The following DNAJC17 variants were observed in gnomAD, a reference collection of about 807,000 sequenced individuals.
The protein encoded by DNAJC17 is DnaJ heat shock protein family (Hsp40) member C17.
Under a neutral mutation model 48.1 loss-of-function variants are expected in DNAJC17, and 35 were observed. That is an observed-to-expected ratio of 0.73 (90% CI 0.56 to 0.96). The LOEUF is 0.96. DNAJC17 is among the 50% of genes least tolerant of loss of function. The pLI, the probability that DNAJC17 is intolerant of heterozygous loss-of-function variation, is 0.00. For synonymous variants in DNAJC17, 117 were observed against 142.7 expected (o/e 0.82, Z 1.28); for missense variants, 355 against 377.1 (o/e 0.94, Z 0.48).
chr15:40,775,154 C>T lies in DNAJC17; in HGVS notation c.523-46G>A, dbSNP rs775662094. 11 of 1,591,494 alleles carry T rather than the reference C, an allele frequency of 6.9e-6. No individual in the cohort carries two copies. The South Asian group carries it at 8.8e-5, about 13-fold the overall frequency. Reference sequence around the variant, plus strand: ...AACACTGATTCTTGGCTGAACAGTACCTCACCCCACGACTGAGCTTGACAG... The same window carrying T: ...AACACTGATTCTTGGCTGAACAGTATCTCACCCCACGACTGAGCTTGACAG... On this transcript the variant is annotated intron_variant, in intron 7 of 10. Transcript: ENST00000220496.
intron 1 of DNAJC17, chr15:40,792,404 A>G: frequency 1.1e-6 from 1 of 950,590 alleles, no homozygotes; most frequent in Non-Finnish European, 1.3e-6. Flanking sequence ...TGAGTCTTGA[A>G]AAACAATCAA....
At position 40,770,798 on chromosome 15, in the gene DNAJC17, C is replaced by A. The variant is rs1201504453; in HGVS notation, c.793-2736G>T. 5.2e-6 allele frequency: 8 copies of A among 1,549,526 alleles called. No individual in the cohort carries two copies. The Middle Eastern group carries it at 5.0e-4, about 97-fold the overall frequency. On this transcript the variant is annotated intron_variant, in intron 10 of 10. Transcript: ENST00000220496. The surrounding 1 kb of genome is among the most constrained non-coding windows in gnomAD (Gnocchi z 5.0). ...CCAACATCCTGGAGCCCCCACCTGC[C>A]TACACAGCAGCCTACTCTGCCACCC...
Position 40,766,156 on chromosome 15 carries a change from C to G in DNAJC17, c.*1784G>C, listed in dbSNP as rs1020019379. The G allele has an allele frequency of 5.5e-6, 2 of 361,084 alleles. No individual in the cohort carries two copies. Among genetic ancestry groups the G allele is most frequent in the African/African-American group, 4.2e-5 (2 of 47,852 alleles). 22.4% of individuals were successfully genotyped at this position (361,084 alleles called of 1,614,324 possible). On this transcript the variant is annotated 3_prime_UTR_variant, in exon 11 of 11. Coordinates refer to ENST00000220496, the MANE Select transcript of DNAJC17 (RefSeq NM_018163.3). The stretch of plus-strand genomic sequence containing the variant: ...CACATCCTTACTGGAACCGCAGAAA[C>G]AGAGTCCGTTCCCTGGGTCTAGGAC...
chr15:40,785,478 C>T (rs1889615522), intron 1 of DNAJC17, among the ~76,000 whole-genome samples: 1 of 152,134 alleles, frequency 6.6e-6, no homozygotes, highest in Admixed American at 6.5e-5. Flanking sequence ...ACTTCAACAT[C>T]AAACTGAGAA....
Position 40,795,552 on chromosome 15 carries a change from A to C in DNAJC17, c.78+11817T>G, listed in dbSNP as rs984486783. Reference sequence around the variant, plus strand: ...CTCTAAAACACTCATGGAGAAAAGGAAGGGAAATGAAAAAGAACCAGGCAG... The same window carrying C: ...CTCTAAAACACTCATGGAGAAAAGGCAGGGAAATGAAAAAGAACCAGGCAG... On this transcript the variant is annotated intron_variant, in intron 1 of 10. Transcript: ENST00000220496. Among the ~76,000 whole-genome samples, 4 of 152,252 alleles carry C rather than the reference A, an allele frequency of 2.6e-5. No individual in the cohort carries two copies. In the East Asian group the frequency reaches 7.7e-4, roughly 29 times the overall value.
chr15:40,775,803 C>T (rs578221016), intron 6 of DNAJC17, among the ~76,000 whole-genome samples: 3 of 152,254 alleles, frequency 2.0e-5, no homozygotes, highest in Admixed American at 2.0e-4. Flanking sequence ...ACCCAGCTGC[C>T]TCCTGAAGGC....
At chr15:40,780,156 A>G in intron 1 of DNAJC17, 159 bp from the exon 2 acceptor site, 2 of 741,082 alleles carry the variant, frequency 2.7e-6, no homozygotes. Flanking sequence ...GGAGGAGGCC[A>G]AGGCCATGGA....
chr15:40,775,671 A>T (rs1470551409), intron 6 of DNAJC17, 75 bp from the exon 7 acceptor site: 1 of 1,485,204 alleles, frequency 6.7e-7, no homozygotes, highest in Admixed American at 1.7e-5. Context: ...TGCAGCCCAG[A>T]GCAAGAAGGG....
At chr15:40,797,228 G>A (rs1266009767) in intron 1 of DNAJC17, among the ~76,000 whole-genome samples, 1 of 152,056 alleles carries the variant, frequency 6.6e-6, no homozygotes, top group Non-Finnish European at 1.5e-5. Context: ...AAATCAGCTG[G>A]GCATGATGGT....
intron 10 of DNAJC17, chr15:40,771,025 TG>T (rs1263966513): frequency 4.5e-6 from 7 of 1,550,026 alleles, no homozygotes; most frequent in Non-Finnish European, 6.1e-6. Flanking sequence ...AGCTTCTAAA[TG>T]GGGTGAGGGT....
intron 7 of DNAJC17, 80 bp downstream of exon 7, chr15:40,775,473 C>A: frequency 6.6e-7 from 1 of 1,513,046 alleles, no homozygotes; most frequent in South Asian, 1.1e-5. Flanking sequence ...CAGAAACCCT[C>A]GAGCCACAGG....
At position 40,770,768 on chromosome 15, in the gene DNAJC17, C is replaced by G; in HGVS notation, c.793-2706G>C. On this transcript the variant is annotated intron_variant, in intron 10 of 10. Coordinates refer to ENST00000220496, the MANE Select transcript of DNAJC17 (RefSeq NM_018163.3). The surrounding 1 kb of genome is among the most constrained non-coding windows in gnomAD (Gnocchi z 5.0). ...CACGCCTCTACCGAGAGAGCTCAAG[C>G]TGCCCCAACATCCTGGAGCCCCCAC... 1 of 1,546,576 alleles carries G rather than the reference C, an allele frequency of 6.5e-7. No individual in the cohort carries two copies. Among genetic ancestry groups the G allele is most frequent in the Non-Finnish European group, 8.7e-7 (1 of 1,146,952 alleles).
chr15:40,778,604 C>T (rs777778191), intron 4 of DNAJC17, among the ~76,000 whole-genome samples: 1 of 152,166 alleles, frequency 6.6e-6, no homozygotes, highest in Admixed American at 6.5e-5. Context: ...CTCCAGCAAG[C>T]TCTTAAACTT....
chr15:40,783,294 C>G (rs1889553086), intron 1 of DNAJC17, among the ~76,000 whole-genome samples: 1 of 152,148 alleles, frequency 6.6e-6, no homozygotes, highest in African/African-American at 2.4e-5. Flanking sequence ...CATCAAGGTT[C>G]ATTAACACAT....
intron 4 of DNAJC17, 90 bp downstream of exon 4, chr15:40,779,133 G>T (rs753532247): frequency 7.6e-7 from 1 of 1,318,290 alleles, no homozygotes; most frequent in Non-Finnish European, 1.1e-6. Flanking sequence ...GCTTTGAGAT[G>T]AGTTGCTGGA....
intron 1 of DNAJC17, chr15:40,792,508 C>T: frequency 2.0e-6 from 2 of 985,428 alleles, no homozygotes; most frequent in South Asian, 9.4e-5. Flanking sequence ...AAAGGTAAGG[C>T]TGCTACAGAC....
At chr15:40,804,376 G>A (rs1596104525) in intron 1 of DNAJC17, among the ~76,000 whole-genome samples, 1 of 150,736 alleles carries the variant, frequency 6.6e-6, no homozygotes, top group Admixed American at 6.6e-5. Flanking sequence ...CCAGGAGTTC[G>A]ACACCAGCCT....
intron 1 of DNAJC17, chr15:40,807,153 G>A (rs575167731): frequency 3.3e-6 from 4 of 1,218,542 alleles, no homozygotes; most frequent in South Asian, 1.6e-5. Context: ...ACAGCCACCC[G>A]GCGCGAAGAG....
rs957009159 is a variant in DNAJC17 at position 40,770,923 on chromosome 15, G to T, written c.792+2804C>A. On this transcript the variant is annotated intron_variant, in intron 10 of 10. Coordinates refer to ENST00000220496, the MANE Select transcript of DNAJC17 (RefSeq NM_018163.3). This position sits in a 1 kb window ranked among gnomAD's most constrained non-coding sequence, Gnocchi z 5.0. ...CAGAGGACACCTACCCCAGACCTCAGTGATCCCTTCCTCTCCTTCAAAGTG... is the reference window on the plus strand; with the variant it reads ...CAGAGGACACCTACCCCAGACCTCATTGATCCCTTCCTCTCCTTCAAAGTG... 5.8e-6 allele frequency: 9 copies of T among 1,551,436 alleles called. No individual in the cohort carries two copies. Among genetic ancestry groups the T allele is most frequent in the Admixed American group, 2.0e-5 (1 of 50,992 alleles).
Sources: allele counts gnomAD v4.1 joint callset (sites outside exome capture counted in the v4.1 genomes callset), GRCh38; gene constraint gnomAD v4.1.1; non-coding constraint Gnocchi (gnomAD v3.1); transcripts MANE v1.5; gene names NCBI Gene and HGNC (gene_info 2026-07-23, HGNC 2026-07-21).